Variants in TRIT1 observed in about 807,000 individuals in gnomAD.
TRIT1 encodes the protein tRNA isopentenyltransferase 1.
TRIT1 carries 43 observed loss-of-function variants against 51.2 expected under a neutral mutation model. The ratio of observed to expected loss-of-function variants is 0.84; its 90% CI spans 0.66 to 1.08. The LOEUF is 1.08. Ranked by LOEUF, TRIT1 falls within the 50% of genes least tolerant of loss-of-function variation. TRIT1 has a pLI of 0.00. For missense variants in TRIT1, 528 were observed against 578.4 expected, an observed-to-expected ratio of 0.91 and a Z score of 0.89; for synonymous variants, 184 against 203.9, an observed-to-expected ratio of 0.90 and a Z score of 0.83.
rs575649238 is a variant in TRIT1, at chr1:39,838,334, G to A, written c.*3410C>T. Reference sequence around the variant, plus strand: ...AATTGAAGCAGATCACTTATGTAGAGACCTACTTAGTTTTTATGCTTTCAT... The same window carrying A: ...AATTGAAGCAGATCACTTATGTAGAAACCTACTTAGTTTTTATGCTTTCAT... On this transcript the variant is annotated 3_prime_UTR_variant, in exon 11 of 11. Transcript: ENST00000316891. Among the ~76,000 whole-genome samples, 1 of 152,312 alleles carries A rather than the reference G, an allele frequency of 6.6e-6. No homozygotes were observed. The highest frequency in any genetic ancestry group is 1.9e-4 in the East Asian group (1 of 5,184).
chr1:39,881,566 T>G (rs1338537908), intron 1 of TRIT1: 1 of 152,056 alleles, frequency 6.6e-6, no homozygotes, highest in Admixed American at 6.6e-5. Flanking sequence ...TTTTTTTTTT[T>G]TAAGACTAGT....
At chr1:39,867,640 G>C (rs1351285742) in intron 1 of TRIT1, among the ~76,000 whole-genome samples, 1 of 152,172 alleles carries the variant, frequency 6.6e-6, no homozygotes, top group African/African-American at 2.4e-5. Flanking sequence ...CTTCTGCAGT[G>C]GCTGCTTGGA....
At chr1:39,853,007 C>T in intron 3 of TRIT1, 131 bp from the exon 4 acceptor site, 1 of 1,033,322 alleles carries the variant, frequency 9.7e-7, no homozygotes, top group African/African-American at 1.6e-5. Flanking sequence ...AGATCATAAA[C>T]AGAAAATTCC....
At chr1:39,848,843 C>T (rs912794452) in intron 5 of TRIT1, among the ~76,000 whole-genome samples, 1 of 150,790 alleles carries the variant, frequency 6.6e-6, no homozygotes, top group Non-Finnish European at 1.5e-5. Context: ...AAAAGACATC[C>T]TAGATACATT....
At chr1:39,878,482 T>G (rs1221834988) in intron 1 of TRIT1, among the ~76,000 whole-genome samples, 1 of 152,228 alleles carries the variant, frequency 6.6e-6, no homozygotes, top group Non-Finnish European at 1.5e-5. Context: ...AAAAGCAGTA[T>G]GAAGTACGAG....
chr1:39,843,768 C>A (rs1222299888), intron 10 of TRIT1, among the ~76,000 whole-genome samples: 2 of 152,106 alleles, frequency 1.3e-5, no homozygotes, highest in East Asian at 3.9e-4. Context: ...CTGATCCCAC[C>A]CCCACTGAAT....
Position 39,852,577 on chromosome 1 carries a change from A to G in TRIT1, c.560+154T>C, listed in dbSNP as rs368359597. 3.0e-4 allele frequency: 253 copies of G among 845,784 alleles called. 2 individuals are homozygous for G. The highest frequency in any genetic ancestry group is 1.5e-4 in the Non-Finnish European group (82 of 534,962). The allele number at this position is 845,784 out of a possible 1,614,324, so 52.4% of individuals were successfully genotyped here. On this transcript the variant is annotated intron_variant, in intron 4 of 10. Transcript: ENST00000316891. ...TTATTGAGGGAGTTGAACTGAAGCA[A>G]TAACTCAGGGCCTCCCAACCTGCTG...
At chr1:39,853,483 G>A (rs1014448856) in intron 3 of TRIT1, among the ~76,000 whole-genome samples, 17 of 151,758 alleles carry the variant, frequency 1.1e-4, no homozygotes, top group Non-Finnish European at 1.9e-4. Context: ...TGCAACCTCC[G>A]CCTCAAGCCT....
intron 3 of TRIT1, among the ~76,000 whole-genome samples, chr1:39,853,761 A>AT (rs1351820373): frequency 2.6e-5 from 4 of 152,128 alleles, no homozygotes; most frequent in Admixed American, 1.3e-4. Context: ...ACACAGCAAC[A>AT]TTTTTCCCAC....
intron 1 of TRIT1, among the ~76,000 whole-genome samples, chr1:39,872,808 A>AAGGAAGGGAGGGAGGGAGGGAGGG: frequency 8.4e-6 from 1 of 119,418 alleles, no homozygotes; most frequent in Non-Finnish European, 1.7e-5. Context: ...GAGAGAAAGG[A>AAGGAAGGGAGGGAGGGAGGGAGGG]AGGAAGGGAG....
intron 8 of TRIT1, 62 bp downstream of exon 8, chr1:39,847,158 C>G: frequency 7.3e-7 from 1 of 1,369,094 alleles, no homozygotes; most frequent in East Asian, 2.3e-5. Flanking sequence ...TCTGGGTGAG[C>G]TGAGGACATC....
chr1:39,864,620 T>C (rs1268371532), intron 1 of TRIT1, among the ~76,000 whole-genome samples: 1 of 147,774 alleles, frequency 6.8e-6, no homozygotes, highest in Non-Finnish European at 1.5e-5. Context: ...AAAAAAAAAT[T>C]ATCCGGCCCC....
chr1:39,869,655 G>A (rs972510303), intron 1 of TRIT1, among the ~76,000 whole-genome samples: 4 of 152,014 alleles, frequency 2.6e-5, no homozygotes, highest in African/African-American at 9.7e-5. Context: ...TCTAGGAAGT[G>A]AGGAGCGTCT....
chr1:39,856,838 C>T (rs1343748412), intron 2 of TRIT1, among the ~76,000 whole-genome samples: 1 of 152,150 alleles, frequency 6.6e-6, no homozygotes, highest in Non-Finnish European at 1.5e-5. Context: ...AACCGAAGCT[C>T]AGTGGGGTTA....
intron 4 of TRIT1, among the ~76,000 whole-genome samples, chr1:39,851,386 G>A (rs146531689): frequency 2.4e-4 from 36 of 152,180 alleles, no homozygotes; most frequent in Non-Finnish European, 4.3e-4. Flanking sequence ...AGTAAAAGGA[G>A]AGAATAAACA....
chr1:39,844,589 G>C lies in TRIT1; in HGVS notation c.1058C>G (p.Ser353Trp). ...PVYGLEVSDV[S>W]KWEESVLEPA... ...TTCAAGAACAGACTCTTCCCACTTC[G>C]AGACATCAGATACCTCTAAGCCATA... is the stretch of plus-strand genomic sequence containing the variant. The change falls in exon 9 of 11, where the codon TCG becomes TGG. Residue 353 changes from serine to tryptophan, a missense_variant. By Grantham distance (177) the Ser-to-Trp change is radical. Coordinates refer to ENST00000316891, the MANE Select transcript of TRIT1 (RefSeq NM_017646.6). 6.2e-7 allele frequency: 1 copy of C among 1,613,984 alleles called. No homozygotes were observed. The highest frequency in any genetic ancestry group is 8.5e-7 in the Non-Finnish European group (1 of 1,179,938).
chr1:39,883,167 G>A, intron 1 of TRIT1, 151 bp downstream of exon 1: 1 of 707,802 alleles, frequency 1.4e-6, no homozygotes, highest in South Asian at 1.9e-5. Flanking sequence ...ACTGTGTCTG[G>A]CATGCGGCGG....
Position 39,841,908 on chromosome 1 carries a change from T to C in TRIT1, c.1240A>G (p.Ile414Val), listed in dbSNP as rs759925090. ...IIGDREWAAHIKSKSHLNQLK... is the reference protein window; with the variant it reads ...IIGDREWAAHVKSKSHLNQLK... ...TGGTTCAAGTGGGATTTGGATTTTATGTGCGCTGATAAGACAAAATCAAAC... is the reference window on the plus strand; with the variant it reads ...TGGTTCAAGTGGGATTTGGATTTTACGTGCGCTGATAAGACAAAATCAAAC... The change falls in exon 11 of 11, where the codon ATA (isoleucine) becomes GTA (valine). Residue 414 changes from isoleucine (I) to valine (V), a missense_variant. Coordinates refer to ENST00000316891, the MANE Select transcript of TRIT1 (RefSeq NM_017646.6). 13 of 1,611,884 alleles carry C rather than the reference T, an allele frequency of 8.1e-6. No homozygotes were observed. Among genetic ancestry groups the C allele is most frequent in the South Asian group, 1.1e-5 (1 of 90,464 alleles).
rs937282233 is a variant in TRIT1, at chr1:39,840,981, C to T, written c.*763G>A. ...TGTCAAATTTGAGAAAAAGCTATCA[C>T]ATTGATAACAGAGCATACTGTGTAT... On this transcript the variant is annotated 3_prime_UTR_variant, in exon 11 of 11. Coordinates refer to ENST00000316891, the MANE Select transcript of TRIT1 (RefSeq NM_017646.6). The T allele has an allele frequency of 6.6e-6, 1 of 152,192 alleles. No individual in the cohort carries two copies. Among genetic ancestry groups the T allele is most frequent in the Non-Finnish European group, 1.5e-5 (1 of 68,034 alleles). 9.4% of individuals were successfully genotyped at this position (152,192 alleles called of 1,614,324 possible).
Sources: allele counts gnomAD v4.1 joint callset (sites outside exome capture counted in the v4.1 genomes callset), GRCh38; gene constraint gnomAD v4.1.1; transcripts MANE v1.5; gene names NCBI Gene and HGNC (gene_info 2026-07-23, HGNC 2026-07-21).